The following CDH3 variants were observed in gnomAD, a reference collection of about 807,000 sequenced individuals.
The protein encoded by CDH3 is cadherin-3.
Under a neutral mutation model 82.0 loss-of-function variants are expected in CDH3, and 54 were observed. The observed-to-expected ratio is 0.66, with a 90% CI of 0.53 to 0.83. The LOEUF is 0.83. Among genes scored for constraint, CDH3 ranks in the 40% least tolerant of loss-of-function variants. The pLI is 0.00. For missense variants in CDH3, 1,054 were observed against 1,084.6 expected (o/e 0.97, Z 0.40); for synonymous variants, 446 against 437.9 (o/e 1.02, Z -0.23).
intron 2 of CDH3, chr16:68,722,653 T>G (rs1383707073): frequency 6.6e-6 from 1 of 152,120 alleles, no homozygotes; most frequent in Non-Finnish European, 1.5e-5. Flanking sequence ...ACCTGGGATT[T>G]TCATGGTTTT....
intron 11 of CDH3, among the ~76,000 whole-genome samples, chr16:68,686,967 T>G (rs1046741895): frequency 1.3e-5 from 2 of 152,156 alleles, no homozygotes; most frequent in African/African-American, 4.8e-5. Context: ...GACTCTCAAA[T>G]AAGTAAATAA....
chr16:68,661,727 A>G (rs1960585517), intron 2 of CDH3, among the ~76,000 whole-genome samples: 2 of 152,152 alleles, frequency 1.3e-5, no homozygotes, highest in African/African-American at 4.8e-5. Context: ...CTTACTCTGT[A>G]TCCTAGGCTG....
At chr16:68,726,361 A>C (rs1277710241) in intron 2 of CDH3, among the ~76,000 whole-genome samples, 1 of 152,124 alleles carries the variant, frequency 6.6e-6, no homozygotes, top group Non-Finnish European at 1.5e-5. Context: ...AGCTCAGGCC[A>C]TCCTCTTGCC....
chr16:68,667,882 T>G (rs1401141512), intron 2 of CDH3, among the ~76,000 whole-genome samples: 1 of 152,202 alleles, frequency 6.6e-6, no homozygotes, highest in Middle Eastern at 3.2e-3. Flanking sequence ...CTCTGGCTTT[T>G]TTGTTGTTAA....
At chr16:68,711,601 AG>A in intron 1 of CDH3, among the ~76,000 whole-genome samples, 1 of 151,976 alleles carries the variant, frequency 6.6e-6, no homozygotes, top group Non-Finnish European at 1.5e-5. Context: ...CCCACTGGAG[AG>A]GGGACGGGGA....
At chr16:68,647,081 T>G (rs1295171407) in intron 2 of CDH3, among the ~76,000 whole-genome samples, 1 of 152,118 alleles carries the variant, frequency 6.6e-6, no homozygotes, top group Non-Finnish European at 1.5e-5. Context: ...GGAGAGGCAT[T>G]AAGAAGCCAT....
At chr16:68,717,097 T>C (rs1370834994) in intron 1 of CDH3, among the ~76,000 whole-genome samples, 1 of 152,112 alleles carries the variant, frequency 6.6e-6, no homozygotes, top group Non-Finnish European at 1.5e-5. Context: ...AAAATGTCAA[T>C]TGTGATTATC....
downstream of CDH3, among the ~76,000 whole-genome samples, chr16:68,702,568 AAAG>A (rs1243828568): frequency 2.6e-5 from 4 of 152,146 alleles, no homozygotes; most frequent in Admixed American, 2.6e-4. Context: ...GTCCAACAGA[AAAG>A]AAAAGTGGAG....
rs922456822 is a variant in CDH3 at position 68,698,279 on chromosome 16, C to T, written c.2369C>T (p.Ala790Val). The change falls in exon 16 of 16, where the codon GCG (alanine) becomes GTG (valine). Residue 790 changes from alanine to valine, a missense_variant. Ala to Val is a moderately conservative substitution (Grantham distance 64). Transcript: ENST00000264012. Reference protein sequence around the residue: ...FDYEGSGSDAASLSSLTSSAS... With the variant: ...FDYEGSGSDAVSLSSLTSSAS... ...TATGAGGGCAGCGGCTCCGACGCCG[C>T]GTCCCTGAGCTCCCTCACCTCCTCC... is the stretch of plus-strand genomic sequence containing the variant. 23 of 1,614,132 alleles carry T rather than the reference C, an allele frequency of 1.4e-5. No individual in the cohort carries two copies. The East Asian group carries it at 3.1e-4, about 22-fold the overall frequency.
rs1961808802 is a variant in CDH3, at chr16:68,698,349, C to T, written c.2439C>T (p.Gly813=). The T allele has an allele frequency of 3.1e-6, 5 of 1,614,242 alleles. No individual in the cohort carries two copies. Among genetic ancestry groups the T allele is most frequent in the Non-Finnish European group, 4.2e-6 (5 of 1,180,030 alleles). The change falls in exon 16 of 16, where the codon GGC becomes GGT. Residue 813 remains glycine, a synonymous_variant. Coordinates refer to ENST00000264012, the MANE Select transcript of CDH3 (RefSeq NM_001793.6). ...DQDYDYLNEW[G]SRFKKLADMY... The stretch of plus-strand genomic sequence containing the variant: ...ATTACGATTATCTGAACGAGTGGGG[C>T]AGCCGCTTCAAGAAGCTGGCAGACA...
chr16:68,652,439 T>C (rs1960275990), intron 2 of CDH3, among the ~76,000 whole-genome samples: 1 of 151,768 alleles, frequency 6.6e-6, no homozygotes, highest in Non-Finnish European at 1.5e-5. Context: ...AAGCAAAGAG[T>C]TTCTAGGGCC....
rs757569142 is a variant in CDH3 at position 68,680,982 on chromosome 16, C to T, written c.882C>T (p.Tyr294=). The T allele has an allele frequency of 1.4e-5, 22 of 1,614,118 alleles. No individual in the cohort carries two copies. The highest frequency in any genetic ancestry group is 1.8e-5 in the Non-Finnish European group (21 of 1,180,014). Residue 294 remains tyrosine, a synonymous_variant, in exon 8 of 16, where the codon TAC becomes TAT. Coordinates refer to ENST00000264012, the MANE Select transcript of CDH3 (RefSeq NM_001793.6). The part of the protein sequence containing the change: ...SGLDREKVPE[Y]TLTIQATDMD... ...TTTCTCCCCAGAAAGTCCCTGAGTA[C>T]ACACTGACCATCCAGGCCACAGACA...
chr16:68,730,366 A>T (rs1567467560), downstream of CDH3, among the ~76,000 whole-genome samples: 1 of 151,712 alleles, frequency 6.6e-6, no homozygotes, highest in Non-Finnish European at 1.5e-5. Context: ...GTCTCTACTA[A>T]AACCACAAAA....
chr16:68,698,809 G>C lies in CDH3; in HGVS notation c.*409G>C, dbSNP rs1471801495. On this transcript the variant is annotated 3_prime_UTR_variant, in exon 16 of 16. Coordinates refer to ENST00000264012, the MANE Select transcript of CDH3 (RefSeq NM_001793.6). Reference sequence around the variant, plus strand: ...TTTTAATGCTATCTTCAAAACGTTAGAGAAAGTTCTTCAAAAGTGCAGCCC... The same window carrying C: ...TTTTAATGCTATCTTCAAAACGTTACAGAAAGTTCTTCAAAAGTGCAGCCC... The C allele has an allele frequency of 5.3e-6, 1 of 187,912 alleles. No homozygotes were observed. The highest frequency in any genetic ancestry group is 1.4e-4 in the East Asian group (1 of 7,110). 11.6% of individuals were successfully genotyped at this position (187,912 alleles called of 1,614,324 possible).
Position 68,684,756 on chromosome 16 carries a change from C to T in CDH3, c.1356C>T (p.Gly452=). The T allele has an allele frequency of 6.2e-7, 1 of 1,614,060 alleles. No homozygotes were observed. Among genetic ancestry groups the T allele is most frequent in the Non-Finnish European group, 8.5e-7 (1 of 1,179,900 alleles). The part of the protein sequence containing the change: ...PPSKVVEVQE[G]IPTGEPVCVY... ...CCAAAGTCGTTGAGGTCCAGGAGGG[C>T]ATCCCCACTGGGGAGCCTGTGTGTG... Residue 452 remains glycine, a synonymous_variant, in exon 10 of 16, where the codon GGC becomes GGT. Transcript: ENST00000264012.
intron 2 of CDH3, chr16:68,651,017 G>T: frequency 2.7e-6 from 1 of 375,892 alleles, no homozygotes; most frequent in Non-Finnish European, 4.8e-6. Context: ...GAGAGAGCGT[G>T]CTGGGAGCCT....
intron 12 of CDH3, among the ~76,000 whole-genome samples, chr16:68,691,338 TA>T (rs375382275): frequency 2.4e-4 from 36 of 149,054 alleles, no homozygotes; most frequent in African/African-American, 3.4e-4. Context: ...GCTTTTACTT[TA>T]AAAAAAAAAT....
At chr16:68,698,050 C>T (rs753240392) in intron 15 of CDH3, 141 bp from the exon 16 acceptor site, 3 of 790,228 alleles carry the variant, frequency 3.8e-6, no homozygotes, top group South Asian at 1.5e-5. Context: ...ATGAATTCTG[C>T]ATGAATAACG....
chr16:68,732,319 T>TA (rs1962301307), downstream of CDH3, among the ~76,000 whole-genome samples: 1 of 152,166 alleles, frequency 6.6e-6, no homozygotes, highest in Admixed American at 6.5e-5. Context: ...AGCAGAGGTC[T>TA]GGAGAGGGGC....
Sources: allele counts gnomAD v4.1 joint callset (sites outside exome capture counted in the v4.1 genomes callset), GRCh38; gene constraint gnomAD v4.1.1; transcripts MANE v1.5; gene names NCBI Gene and HGNC (gene_info 2026-07-23, HGNC 2026-07-21).